RYR2: variants seen among roughly 807,000 people sequenced by gnomAD.
RYR2 encodes the protein ryanodine receptor 2, also known as cardiac muscle ryanodine receptor-calcium release channel.
In RYR2, 227 loss-of-function variants were observed where a neutral mutation model predicts 601.1. That is an observed-to-expected ratio of 0.38 (90% CI 0.34 to 0.42). RYR2 has a LOEUF of 0.42. Among genes scored for constraint, RYR2 ranks in the 10% least tolerant of loss-of-function variants. The pLI is 1.00. For synonymous variants in RYR2, 2,223 were observed against 2,175.1 expected, an observed-to-expected ratio of 1.02 and a Z score of -0.61; for missense variants, 4,646 against 6,156.5, an observed-to-expected ratio of 0.75 and a Z score of 8.21.
chr1:237,131,602 C>G (rs1417771207), intron 1 of RYR2, among the ~76,000 whole-genome samples: 1 of 152,094 alleles, frequency 6.6e-6, no homozygotes, highest in Non-Finnish European at 1.5e-5. Flanking sequence ...GGTATGAAAA[C>G]TGTAAAAGTG....
At chr1:237,314,895 C>T (rs1694958110) in intron 2 of RYR2, among the ~76,000 whole-genome samples, 1 of 152,108 alleles carries the variant, frequency 6.6e-6, no homozygotes, top group African/African-American at 2.4e-5. Context: ...ATGAAATTAA[C>T]ATAAACTGGG....
At chr1:237,379,357 A>C (rs1189112023) in intron 8 of RYR2, among the ~76,000 whole-genome samples, 1 of 152,190 alleles carries the variant, frequency 6.6e-6, no homozygotes, top group Non-Finnish European at 1.5e-5. Flanking sequence ...TCTACAACTA[A>C]CTACCTGAGA....
intron 101 of RYR2, among the ~76,000 whole-genome samples, chr1:237,821,340 A>G (rs1662472323): frequency 6.6e-6 from 1 of 152,132 alleles, no homozygotes; most frequent in African/African-American, 2.4e-5. Flanking sequence ...ACAGGCAGCA[A>G]TCTTTGCTGT....
At chr1:237,413,759 T>A (rs954114857) in intron 10 of RYR2, among the ~76,000 whole-genome samples, 6 of 152,090 alleles carry the variant, frequency 3.9e-5, no homozygotes, top group Non-Finnish European at 7.4e-5. Flanking sequence ...GAACAGTATA[T>A]CATTGAGTTT....
chr1:237,272,309 A>G (rs1418088846), intron 2 of RYR2, among the ~76,000 whole-genome samples: 2 of 149,678 alleles, frequency 1.3e-5, no homozygotes, highest in Non-Finnish European at 3.0e-5. Context: ...CAAAGGATAG[A>G]GAAGGATCGA....
chr1:237,071,198 G>A (rs544571202), intron 1 of RYR2, among the ~76,000 whole-genome samples: 2 of 152,006 alleles, frequency 1.3e-5, no homozygotes, highest in African/African-American at 4.8e-5. Context: ...ACGAGTGTGC[G>A]AGTCCAGCTG....
chr1:237,293,188 G>A (rs1358634000), intron 2 of RYR2, among the ~76,000 whole-genome samples: 1 of 151,986 alleles, frequency 6.6e-6, no homozygotes, highest in Non-Finnish European at 1.5e-5. Context: ...GCATAAGACT[G>A]CCCTCTACTT....
rs541041717 is a variant in RYR2, at chr1:237,434,531, G to A, written c.1006-6788G>A. ...GAAGTTGTAACCATTGTTTTCAAGT[G>A]TGTTGAAATGTTTGTTTTAATCATA... On this transcript the variant is annotated intron_variant, in intron 12 of 104. Coordinates refer to ENST00000366574, the MANE Select transcript of RYR2 (RefSeq NM_001035.3). 6.6e-5 allele frequency among the ~76,000 whole-genome samples: 10 copies of A among 152,274 alleles called. No individual in the cohort carries two copies. In the East Asian group the frequency reaches 1.7e-3, roughly 27 times the overall value.
In RYR2 at chr1:237,694,346, T is replaced by C. The variant is rs1687228196; in HGVS notation, c.9068-4619T>C. Among the ~76,000 whole-genome samples the C allele has an allele frequency of 3.3e-5, 5 of 151,156 alleles. No individual in the cohort carries two copies. The South Asian group carries it at 8.4e-4, about 25-fold the overall frequency. On this transcript the variant is annotated intron_variant, in intron 63 of 104. Coordinates refer to ENST00000366574, the MANE Select transcript of RYR2 (RefSeq NM_001035.3). ...TTAAAGTACTCAGAATCACTGCAGA[T>C]AGAAGCATATTTGAGGATTCAGTGT...
At chr1:237,237,311 T>C (rs1387242911) in intron 1 of RYR2, among the ~76,000 whole-genome samples, 2 of 152,242 alleles carry the variant, frequency 1.3e-5, no homozygotes, top group Non-Finnish European at 2.9e-5. Flanking sequence ...CAGTGTTCCT[T>C]GAGGATCTTA....
intron 17 of RYR2, among the ~76,000 whole-genome samples, chr1:237,490,077 G>A (rs1208247394): frequency 6.6e-6 from 1 of 152,132 alleles, no homozygotes; most frequent in Non-Finnish European, 1.5e-5. Context: ...AATTAATGCA[G>A]GAACAGAAAA....
chr1:237,705,424 A>G lies in RYR2; in HGVS notation c.9580+81A>G, dbSNP rs932895866. 2.1e-5 allele frequency: 25 copies of G among 1,168,540 alleles called. No individual in the cohort carries two copies. The African/African-American group carries it at 3.7e-4, about 17-fold the overall frequency. The allele number at this position is 1,168,540 out of a possible 1,614,324, so 72.4% of individuals were successfully genotyped here. ...TCATATTGTCCAATAGTGATTTTTA[A>G]TGAGCTCTTTCAGTTTACTATATCC... is the stretch of plus-strand genomic sequence containing the variant. On this transcript the variant is annotated intron_variant, in intron 67 of 104. Transcript: ENST00000366574.
intron 1 of RYR2, among the ~76,000 whole-genome samples, chr1:237,261,341 A>G (rs1688497443): frequency 6.6e-6 from 1 of 152,038 alleles, no homozygotes; most frequent in Admixed American, 6.6e-5. Flanking sequence ...CCCCCAGTAA[A>G]ATCCAAAGGT....
chr1:237,442,298 T>G (rs1707982172), intron 13 of RYR2, among the ~76,000 whole-genome samples: 1 of 152,226 alleles, frequency 6.6e-6, no homozygotes, highest in South Asian at 2.1e-4. Flanking sequence ...TTAGCAGATG[T>G]TATCTTTTTC....
chr1:237,131,830 C>T lies in RYR2; in HGVS notation c.48+89261C>T, dbSNP rs149068488. 2.7e-3 allele frequency among the ~76,000 whole-genome samples: 417 copies of T among 152,100 alleles called. 1 individual carries two copies. Among genetic ancestry groups the T allele is most frequent in the African/African-American group, 9.6e-3 (398 of 41,512 alleles). The stretch of plus-strand genomic sequence containing the variant: ...CGACCTCCAGGGTTCAAGTGATCCT[C>T]CCACCTCAGCCTCCAGAGTAGCTGG... On this transcript the variant is annotated intron_variant, in intron 1 of 104. Coordinates refer to ENST00000366574, the MANE Select transcript of RYR2 (RefSeq NM_001035.3).
intron 46 of RYR2, among the ~76,000 whole-genome samples, chr1:237,640,329 A>AT (rs1266092155): frequency 2.0e-5 from 3 of 152,182 alleles, no homozygotes; most frequent in African/African-American, 7.2e-5. Flanking sequence ...ACATGTAATT[A>AT]TATTTTCCCT....
intron 1 of RYR2, among the ~76,000 whole-genome samples, chr1:237,216,944 A>G (rs1008444278): frequency 6.6e-6 from 1 of 151,964 alleles, no homozygotes; most frequent in East Asian, 1.9e-4. Context: ...AAAGTGAAGG[A>G]CTCTTCCCCA....
intron 41 of RYR2, among the ~76,000 whole-genome samples, chr1:237,628,310 G>A (rs1355795338): frequency 2.0e-5 from 3 of 151,600 alleles, no homozygotes; most frequent in South Asian, 2.1e-4. Flanking sequence ...ATGCTGGTGC[G>A]CTGCACCCAC....
At chr1:237,132,583 C>T (rs1479751341) in intron 1 of RYR2, among the ~76,000 whole-genome samples, 1 of 152,102 alleles carries the variant, frequency 6.6e-6, no homozygotes, top group African/African-American at 2.4e-5. Context: ...TAAAAGGCAT[C>T]CAAACCAAAC....
Sources: gnomAD v4.1 joint callset for allele counts (sites outside exome capture counted in the v4.1 genomes callset) on GRCh38, gnomAD v4.1.1 for gene constraint, MANE v1.5 for transcripts, NCBI Gene and HGNC (gene_info 2026-07-23, HGNC 2026-07-21) for gene names.